Variants in TTC39B observed in about 807,000 individuals in gnomAD.
The protein encoded by TTC39B is tetratricopeptide repeat protein 39B.
A neutral mutation model predicts 96.6 loss-of-function variants in TTC39B; 92 were observed. That is an observed-to-expected ratio of 0.95 (90% CI 0.80 to 1.13). The LOEUF (loss-of-function observed/expected upper bound fraction) is 1.13. Ranked by LOEUF, TTC39B falls within the 50% of genes most tolerant of loss-of-function variation. The pLI is 0.00. For missense variants in TTC39B, 955 were observed against 809.3 expected (o/e 1.18, Z -2.18); for synonymous variants, 367 against 299.4 (o/e 1.23, Z -2.33).
At chr9:15,191,687 C>G (rs919182048) in intron 9 of TTC39B, among the ~76,000 whole-genome samples, 5 of 152,124 alleles carry the variant, frequency 3.3e-5, no homozygotes, top group Non-Finnish European at 7.3e-5. Flanking sequence ...TCCTGAAGGA[C>G]AGTGGTGAGG....
chr9:15,211,113 A>T (rs930419256), intron 5 of TTC39B, among the ~76,000 whole-genome samples, 153 bp downstream of exon 5: 1 of 151,998 alleles, frequency 6.6e-6, no homozygotes, highest in Non-Finnish European at 1.5e-5. Context: ...GTAGATGCCA[A>T]ATGGGAATCC....
intron 17 of TTC39B, among the ~76,000 whole-genome samples, chr9:15,178,842 T>C (rs1247636487): frequency 6.6e-6 from 1 of 152,188 alleles, no homozygotes; most frequent in African/African-American, 2.4e-5. Context: ...CACTTCCATA[T>C]GGAGAAGCAG....
chr9:15,306,769 C>T lies in TTC39B; in HGVS notation c.240+315G>A, dbSNP rs1405667170. 1.3e-5 allele frequency among the ~76,000 whole-genome samples: 2 copies of T among 152,196 alleles called. No individual in the cohort carries two copies. The highest frequency in any genetic ancestry group is 2.9e-5 in the Non-Finnish European group (2 of 68,026). On this transcript the variant is annotated intron_variant, in intron 1 of 19. Coordinates refer to ENST00000512701, the Ensembl canonical transcript of TTC39B. This position sits in a 1 kb window ranked among gnomAD's most constrained non-coding sequence, Gnocchi z 5.1. ...TGGGCCGGCCCGGAACAGCTCAGAG[C>T]TGCGGGTCCTATGGTCCCGCGCCCT...
chr9:15,296,452 T>G (rs10118629), intron 1 of TTC39B, among the ~76,000 whole-genome samples: 1 of 151,976 alleles, frequency 6.6e-6, no homozygotes, highest in African/African-American at 2.4e-5. Context: ...GCAAAAATAT[T>G]CCCCAAATAC....
chr9:15,168,544 C>T (rs1817569371), exon 20 of TTC39B: 1 of 152,052 alleles, frequency 6.6e-6, no homozygotes, highest in South Asian at 2.1e-4. Flanking sequence ...GAAAACCCTC[C>T]TATTTATGAA....
chr9:15,189,091 G>A (rs186828226), intron 13 of TTC39B, among the ~76,000 whole-genome samples: 2 of 152,186 alleles, frequency 1.3e-5, no homozygotes, highest in Admixed American at 6.5e-5. Context: ...CCATTTGTGT[G>A]GAAAAAATGG....
chr9:15,268,295 C>G (rs1282707983), intron 1 of TTC39B, among the ~76,000 whole-genome samples: 1 of 152,088 alleles, frequency 6.6e-6, no homozygotes, highest in African/African-American at 2.4e-5. Context: ...AGGACTTGCC[C>G]GATGTAGTCT....
chr9:15,168,427 A>AAAAAAC (rs1817567096), exon 20 of TTC39B: 1 of 151,910 alleles, frequency 6.6e-6, no homozygotes, highest in Admixed American at 6.6e-5. Flanking sequence ...TACAAAAAAA[A>AAAAAAC]AAAACAGAAA....
rs1818095588 is a variant in TTC39B, at chr9:15,178,806, G to A, written c.1724-992C>T. 2.0e-5 allele frequency among the ~76,000 whole-genome samples: 3 copies of A among 152,198 alleles called. No individual in the cohort carries two copies. The South Asian group carries it at 6.2e-4, about 31-fold the overall frequency. On this transcript the variant is annotated intron_variant, in intron 17 of 19. Transcript: ENST00000512701. ...CCTCCTCCTGTTGTTTGGCTTCTGT[G>A]TTGGCTTCAATACAGGAGAGGATAA...
At chr9:15,172,683 C>G (rs191583407) in intron 19 of TTC39B, among the ~76,000 whole-genome samples, 1 of 152,250 alleles carries the variant, frequency 6.6e-6, no homozygotes, top group East Asian at 1.9e-4. Context: ...TTATTTAAAA[C>G]CTGCCTAAGA....
chr9:15,190,914 G>A (rs1263236373), intron 10 of TTC39B, among the ~76,000 whole-genome samples: 6 of 151,874 alleles, frequency 4.0e-5, no homozygotes, highest in South Asian at 2.1e-4. Context: ...AGGAAACCAC[G>A]TGAGAGTAAT....
intron 2 of TTC39B, among the ~76,000 whole-genome samples, chr9:15,235,853 T>TA (rs1298283155): frequency 3.3e-5 from 5 of 152,138 alleles, no homozygotes; most frequent in Non-Finnish European, 5.9e-5. Context: ...CTCACCATCA[T>TA]AAAAGAACAC....
rs531367213 is a variant in TTC39B, at chr9:15,243,116, A to G, written c.276-17104T>C. 5.3e-5 allele frequency among the ~76,000 whole-genome samples: 8 copies of G among 152,356 alleles called. No homozygotes were observed. The South Asian group carries it at 1.4e-3, about 28-fold the overall frequency. On this transcript the variant is annotated intron_variant, in intron 2 of 19. Transcript: ENST00000512701. ...AGGCAGCAGTCCCCAGACAGGGGCC[A>G]TCTGTACACCACCTCTTCCTGCACC...
chr9:15,301,492 C>T (rs552387302), intron 1 of TTC39B, among the ~76,000 whole-genome samples: 5 of 152,344 alleles, frequency 3.3e-5, no homozygotes, highest in South Asian at 2.1e-4. Flanking sequence ...CAGTGGCTCA[C>T]GCCTATAATC....
At chr9:15,179,201 T>A (rs1818117332) in intron 17 of TTC39B, among the ~76,000 whole-genome samples, 1 of 152,212 alleles carries the variant, frequency 6.6e-6, no homozygotes, top group South Asian at 2.1e-4. Flanking sequence ...TTTTTGCAAG[T>A]TACAGGCAAG....
intron 18 of TTC39B, among the ~76,000 whole-genome samples, chr9:15,175,651 T>C (rs933992398): frequency 3.3e-5 from 5 of 152,188 alleles, no homozygotes; most frequent in African/African-American, 1.2e-4. Flanking sequence ...ACTAACACCA[T>C]TTCAAATGCA....
chr9:15,176,301 A>G (rs1817935077), intron 18 of TTC39B, among the ~76,000 whole-genome samples: 1 of 152,234 alleles, frequency 6.6e-6, no homozygotes, highest in African/African-American at 2.4e-5. Flanking sequence ...AAAACAGCAC[A>G]ATAGGTCATC....
Position 15,237,277 on chromosome 9 carries a change from T to A in TTC39B, c.276-11265A>T, listed in dbSNP as rs142029517. 5.4e-3 allele frequency among the ~76,000 whole-genome samples: 825 copies of A among 152,318 alleles called. 7 individuals are homozygous for A. Among genetic ancestry groups the A allele is most frequent in the African/African-American group, 0.019 (785 of 41,572 alleles). Reference sequence around the variant, plus strand: ...TTGCAGTGAGCCAAGATCATGCCACTGTATTCTAGCCTGAGCAACAAAGCA... The same window carrying A: ...TTGCAGTGAGCCAAGATCATGCCACAGTATTCTAGCCTGAGCAACAAAGCA... On this transcript the variant is annotated intron_variant, in intron 2 of 19. Transcript: ENST00000512701.
At chr9:15,199,766 A>AAAAAAAAAAAC (rs1819419516) in intron 8 of TTC39B, 95 bp downstream of exon 8, 1 of 414,120 alleles carries the variant, frequency 2.4e-6, no homozygotes, top group Non-Finnish European at 4.5e-6. Context: ...AAAAAAAAAA[A>AAAAAAAAAAAC]AATCCTAGTC....
Sources: allele counts gnomAD v4.1 joint callset (sites outside exome capture counted in the v4.1 genomes callset), GRCh38; gene constraint gnomAD v4.1.1; non-coding constraint Gnocchi (gnomAD v3.1); transcripts MANE v1.5; gene names NCBI Gene and HGNC (gene_info 2026-07-23, HGNC 2026-07-21).